Variants in KLHL5 observed in about 807,000 individuals in gnomAD.
KLHL5 encodes the protein kelch like family member 5.
In KLHL5, 48 loss-of-function variants were observed where a neutral mutation model predicts 77.7. The ratio of observed to expected loss-of-function variants is 0.62; its 90% CI spans 0.49 to 0.79. The LOEUF is 0.79. Among genes scored for constraint, KLHL5 ranks in the 30% least tolerant of loss-of-function variants. The pLI is 0.00. For missense variants in KLHL5, 723 were observed against 859.7 expected (o/e 0.84, Z 1.99); for synonymous variants, 260 against 297.0 (o/e 0.88, Z 1.28).
intron 5 of KLHL5, among the ~76,000 whole-genome samples, chr4:39,089,619 A>G (rs1720336688): frequency 6.6e-6 from 1 of 152,210 alleles, no homozygotes; most frequent in Non-Finnish European, 1.5e-5. Flanking sequence ...TTGAAAAAGG[A>G]CGAAGTTTTA....
intron 1 of KLHL5, among the ~76,000 whole-genome samples, chr4:39,065,355 A>ATTT (rs35238432): frequency 7.9e-6 from 1 of 126,558 alleles, no homozygotes; most frequent in Admixed American, 8.0e-5. Context: ...ACATTCATCA[A>ATTT]TTTTTTTTTT....
rs1722580900 is a variant in KLHL5, at chr4:39,113,161, G to T, written c.1830G>T (p.Leu610=). ...GGVGVTTWNG[L]LYAIGGHDAP... ...TAGGAGTGACGACCTGGAATGGACTGCTGTATGCTATAGGGGGGCACGATG... is the reference window on the plus strand; with the variant it reads ...TAGGAGTGACGACCTGGAATGGACTTCTGTATGCTATAGGGGGGCACGATG... Residue 610 remains leucine, a synonymous_variant, in exon 9 of 11, where the codon CTG becomes CTT. Coordinates refer to ENST00000504108, the MANE Select transcript of KLHL5 (RefSeq NM_015990.5). The T allele has an allele frequency of 6.2e-7, 1 of 1,614,144 alleles. No individual in the cohort carries two copies.
intron 7 of KLHL5, among the ~76,000 whole-genome samples, chr4:39,106,567 G>C (rs1484982322): frequency 1.3e-5 from 2 of 152,150 alleles, no homozygotes; most frequent in Non-Finnish European, 2.9e-5. Context: ...CATACCAATA[G>C]ATTATGGTAT....
rs1719005300 is a variant in KLHL5, at chr4:39,076,086, A to G, written c.505A>G (p.Arg169Gly). ...ATTTAAAAAAATGGAAAACTATTTG[A>G]GACATAAACAGTTGTGTGATGTAAT... ...QTFKKMENYL[R>G]HKQLCDVILV... is the part of the protein sequence containing the mutation. Residue 169 changes from arginine (R) to glycine (G), a missense_variant, in exon 2 of 11, where the codon AGA (arginine) becomes GGA (glycine). Arg to Gly is a moderately radical substitution (Grantham distance 125). This residue lies in a region of KLHL5 where 221 missense variants were observed against 222.1 expected (regional missense o/e 1.00). Transcript: ENST00000504108. The G allele has an allele frequency of 6.2e-7, 1 of 1,607,302 alleles. No homozygotes were observed. The highest frequency in any genetic ancestry group is 8.5e-7 in the Non-Finnish European group (1 of 1,178,306).
chr4:39,079,764 T>C (rs975370335), intron 2 of KLHL5, among the ~76,000 whole-genome samples: 2 of 152,206 alleles, frequency 1.3e-5, no homozygotes, highest in Admixed American at 1.3e-4. Flanking sequence ...TTGTACCCAA[T>C]GTATCTCAAG....
chr4:39,086,864 G>T, intron 5 of KLHL5, 137 bp downstream of exon 5: 2 of 505,474 alleles, frequency 4.0e-6, no homozygotes, highest in Non-Finnish European at 7.1e-6. Flanking sequence ...TTTCAGTCCA[G>T]AAGATCTGGC....
rs1323854698 is a variant in KLHL5 at position 39,122,253 on chromosome 4, C to T, written c.*1187C>T. On this transcript the variant is annotated 3_prime_UTR_variant, in exon 11 of 11. Transcript: ENST00000504108. Reference sequence around the variant, plus strand: ...TTTTTATTTTAACCCCAGTTAATAACCACCTTACGGAAAATAATATTTGCT... The same window carrying T: ...TTTTTATTTTAACCCCAGTTAATAATCACCTTACGGAAAATAATATTTGCT... 1 of 152,222 alleles carries T rather than the reference C, an allele frequency of 6.6e-6. No homozygotes were observed. Among genetic ancestry groups the T allele is most frequent in the African/African-American group, 2.4e-5 (1 of 41,458 alleles). 9.4% of individuals were successfully genotyped at this position (152,222 alleles called of 1,614,324 possible).
chr4:39,062,269 G>A lies in KLHL5; in HGVS notation c.-384G>A. ...ATAGTGTTTTCTGTCTCTGTCATTT[G>A]TGGTTTAAGAAAAAGGGGGTGGTGT... On this transcript the variant is annotated 5_prime_UTR_variant, in exon 1 of 11. In the 5' UTR this introduces an upstream ATG that the reference lacks. Transcript: ENST00000504108. The A allele has an allele frequency of 7.6e-7, 1 of 1,313,500 alleles. No homozygotes were observed. Among genetic ancestry groups the A allele is most frequent in the Non-Finnish European group, 9.7e-7 (1 of 1,031,544 alleles). The allele number at this position is 1,313,500 out of a possible 1,614,324, so 81.4% of individuals were successfully genotyped here.
At chr4:39,080,743 C>A (rs1284393232) in intron 2 of KLHL5, among the ~76,000 whole-genome samples, 4 of 151,960 alleles carry the variant, frequency 2.6e-5, no homozygotes, top group Admixed American at 2.0e-4. Flanking sequence ...TTCACTACTT[C>A]TATAATTAAA....
intron 7 of KLHL5, among the ~76,000 whole-genome samples, chr4:39,104,347 TATA>T: frequency 6.6e-6 from 1 of 152,216 alleles, no homozygotes; most frequent in Non-Finnish European, 1.5e-5. Context: ...AATCAACTAT[TATA>T]TAGGCACAGA....
chr4:39,103,347 T>A lies in KLHL5; in HGVS notation c.1361T>A (p.Met454Lys). 3 of 1,614,058 alleles carry A rather than the reference T, an allele frequency of 1.9e-6. No individual in the cohort carries two copies. Among genetic ancestry groups the A allele is most frequent in the Non-Finnish European group, 2.5e-6 (3 of 1,180,016 alleles). ...RTNMWTPVAN[M>K]NGRRLQFGVA... The stretch of plus-strand genomic sequence containing the variant: ...AATATGTGGACTCCAGTAGCAAATA[T>A]GAATGGGAGGAGGCTACAGTTCGGT... The change falls in exon 7 of 11, where the codon ATG (methionine) becomes AAG (lysine). Residue 454 changes from methionine to lysine, a missense_variant. This residue lies in a region of KLHL5 where 288 missense variants were observed against 400.3 expected (regional missense o/e 0.72). Transcript: ENST00000504108.
At chr4:39,117,838 G>T (rs1722947182) in intron 10 of KLHL5, among the ~76,000 whole-genome samples, 2 of 152,140 alleles carry the variant, frequency 1.3e-5, no homozygotes, top group Non-Finnish European at 2.9e-5. Context: ...ACTTTGGGAG[G>T]CCAAGGTCGG....
chr4:39,111,178 C>T (rs1198527059), intron 8 of KLHL5, among the ~76,000 whole-genome samples: 2 of 152,142 alleles, frequency 1.3e-5, no homozygotes, highest in Non-Finnish European at 2.9e-5. Flanking sequence ...CTATTTTCTA[C>T]AAGAACACAG....
intron 1 of KLHL5, among the ~76,000 whole-genome samples, chr4:39,064,760 T>C (rs1199428953): frequency 1.3e-5 from 2 of 152,158 alleles, no homozygotes; most frequent in Non-Finnish European, 2.9e-5. Flanking sequence ...CATTATGAAA[T>C]AAAAAGATTA....
At position 39,112,826 on chromosome 4, in the gene KLHL5, TATAC is replaced by T. The variant is rs150992569; in HGVS notation, c.1689-192_1689-189del. 5.4e-3 allele frequency: 3,013 copies of T among 560,394 alleles called. 76 individuals are homozygous for T. The highest frequency in any genetic ancestry group is 0.052 in the African/African-American group (2,780 of 53,086). The allele number at this position is 560,394 out of a possible 1,614,324, so 34.7% of individuals were successfully genotyped here. On this transcript the variant is annotated intron_variant, in intron 8 of 10. Transcript: ENST00000504108. ...TGCAGTTTGTTTTCCTTTTCATGTA[TATAC>T]AGAGTGATATATGATACTTACATGT...
chr4:39,045,332 A>G (rs1006686179), intron 1 of KLHL5, among the ~76,000 whole-genome samples: 1 of 150,160 alleles, frequency 6.7e-6, no homozygotes, highest in Non-Finnish European at 1.5e-5. Context: ...CCCGCTGCGC[A>G]CCCCCGAGCG....
At chr4:39,107,195 C>A (rs536050692) in intron 7 of KLHL5, among the ~76,000 whole-genome samples, 3 of 151,862 alleles carry the variant, frequency 2.0e-5, no homozygotes, top group Non-Finnish European at 4.4e-5. Flanking sequence ...TTACAGGTGC[C>A]CGCCACCATG....
chr4:39,083,281 C>T (rs1480559986), intron 4 of KLHL5, among the ~76,000 whole-genome samples: 3 of 152,158 alleles, frequency 2.0e-5, no homozygotes, highest in African/African-American at 7.2e-5. Flanking sequence ...GGAATTTTAA[C>T]ACTCAGAACA....
chr4:39,062,370 G>C lies in KLHL5; in HGVS notation c.-283G>C. The C allele has an allele frequency of 7.0e-7, 1 of 1,438,710 alleles. No homozygotes were observed. The highest frequency in any genetic ancestry group is 9.1e-7 in the Non-Finnish European group (1 of 1,102,776). 89.1% of individuals were successfully genotyped at this position (1,438,710 alleles called of 1,614,324 possible). Reference sequence around the variant, plus strand: ...ATGGTCAGTATGGGAAAGGAGAGCCGGGAAAGTGGTCTAGCTGCTTCAGGA... The same window carrying C: ...ATGGTCAGTATGGGAAAGGAGAGCCCGGAAAGTGGTCTAGCTGCTTCAGGA... On this transcript the variant is annotated 5_prime_UTR_variant, in exon 1 of 11. Transcript: ENST00000504108.
Sources: gnomAD v4.1 joint callset for allele counts (sites outside exome capture counted in the v4.1 genomes callset) on GRCh38, gnomAD v4.1.1 for gene constraint, gnomAD v4.1.1 regional missense constraint, MANE v1.5 for transcripts, NCBI Gene and HGNC (gene_info 2026-07-23, HGNC 2026-07-21) for gene names.